Variants in CENPP observed in about 807,000 individuals in gnomAD.
The protein encoded by CENPP is centromere protein P.
Under a neutral mutation model 35.6 loss-of-function variants are expected in CENPP, and 24 were observed. That is an observed-to-expected ratio of 0.67 (90% CI 0.49 to 0.95). CENPP has a LOEUF of 0.95. Among genes scored for constraint, CENPP ranks in the 40% least tolerant of loss-of-function variants. The pLI is 0.00. For missense variants in CENPP, 332 were observed against 345.3 expected (o/e 0.96, Z 0.31); for synonymous variants, 120 against 125.5 (o/e 0.96, Z 0.29).
At chr9:92,555,873 G>T (rs1185336357) in intron 5 of CENPP, among the ~76,000 whole-genome samples, 2 of 151,786 alleles carry the variant, frequency 1.3e-5, no homozygotes, top group East Asian at 3.9e-4. Flanking sequence ...GTATTTTTTT[G>T]TTGTTGTTTC....
At chr9:92,495,900 CT>C in intron 5 of CENPP, 1 of 984,286 alleles carries the variant, frequency 1.0e-6, no homozygotes, top group African/African-American at 1.7e-5. Flanking sequence ...TAAATTCTGC[CT>C]GCTTTTTTTG....
At chr9:92,493,573 A>T (rs929850001) in intron 5 of CENPP, 2 of 152,228 alleles carry the variant, frequency 1.3e-5, no homozygotes, top group Non-Finnish European at 2.9e-5. Flanking sequence ...CTAGACCAGG[A>T]CTTCTTTAGT....
chr9:92,374,089 A>G (rs1204846811), intron 4 of CENPP, among the ~76,000 whole-genome samples: 1 of 145,664 alleles, frequency 6.9e-6, no homozygotes, highest in Non-Finnish European at 1.5e-5. Context: ...CTGGATTGCT[A>G]CTGGCTTGCT....
At chr9:92,477,074 G>A (rs1429950451) in intron 5 of CENPP, among the ~76,000 whole-genome samples, 1 of 152,202 alleles carries the variant, frequency 6.6e-6, no homozygotes, top group Admixed American at 6.5e-5. Context: ...GATTGTGCTG[G>A]CAACACAGGG....
Position 92,499,722 on chromosome 9 carries a change from C to T in CENPP, c.565-111592C>T, listed in dbSNP as rs116127910. 7.6e-4 allele frequency among the ~76,000 whole-genome samples: 116 copies of T among 152,284 alleles called. 1 individual carries two copies. Among genetic ancestry groups the T allele is most frequent in the African/African-American group, 2.7e-3 (112 of 41,558 alleles). ...TCTTCCTCCAGTACCTTTAAAAACA[C>T]GAACTTTTCTGTGTTTTTGTTTTGT... On this transcript the variant is annotated intron_variant, in intron 5 of 7. Coordinates refer to ENST00000375587, the MANE Select transcript of CENPP (RefSeq NM_001012267.3).
intron 5 of CENPP, among the ~76,000 whole-genome samples, chr9:92,578,010 T>C (rs573459293): frequency 0.012 from 1,646 of 141,840 alleles, 25 homozygotes; most frequent in African/African-American, 0.039. Flanking sequence ...CCATGTGTTC[T>C]CATTGTTCAG....
intron 5 of CENPP, chr9:92,505,479 T>G (rs1223952429): frequency 7.1e-7 from 1 of 1,399,210 alleles, no homozygotes; most frequent in Non-Finnish European, 9.8e-7. Flanking sequence ...TTTGTTGTAG[T>G]GTACCATATT....
At chr9:92,338,265 T>C (rs943876450) in intron 3 of CENPP, among the ~76,000 whole-genome samples, 13 of 152,100 alleles carry the variant, frequency 8.5e-5, no homozygotes, top group African/African-American at 2.9e-4. Flanking sequence ...TGAGCTGTGA[T>C]TGTGCCACTG....
chr9:92,425,859 AAG>A (rs1437410131), intron 5 of CENPP, among the ~76,000 whole-genome samples: 2 of 152,166 alleles, frequency 1.3e-5, no homozygotes, highest in Non-Finnish European at 2.9e-5. Context: ...TTCACTAAGG[AAG>A]AGAGAGCAAA....
At chr9:92,560,300 G>A (rs1849819114) in intron 5 of CENPP, among the ~76,000 whole-genome samples, 1 of 152,128 alleles carries the variant, frequency 6.6e-6, no homozygotes, top group African/African-American at 2.4e-5. Context: ...GTCCATTACA[G>A]CAAAAGATCA....
At chr9:92,592,918 G>A (rs1466557439) in intron 5 of CENPP, among the ~76,000 whole-genome samples, 1 of 152,160 alleles carries the variant, frequency 6.6e-6, no homozygotes, top group Admixed American at 6.5e-5. Flanking sequence ...TTTTTATTAA[G>A]GCTCTTTCTA....
intron 4 of CENPP, among the ~76,000 whole-genome samples, chr9:92,363,167 A>G (rs1468546149): frequency 6.6e-6 from 1 of 152,088 alleles, no homozygotes; most frequent in Non-Finnish European, 1.5e-5. Flanking sequence ...GTTCATTGCT[A>G]TTGGAGTGTC....
chr9:92,500,843 C>T (rs942352232), intron 5 of CENPP: 1 of 1,614,030 alleles, frequency 6.2e-7, no homozygotes, highest in East Asian at 2.2e-5. Context: ...AATGATATGC[C>T]CCATAGAAGG....
At chr9:92,457,637 T>C (rs1309275772) in intron 5 of CENPP, 3 of 647,818 alleles carry the variant, frequency 4.6e-6, no homozygotes, top group Non-Finnish European at 7.9e-6. Flanking sequence ...TACTCACTTA[T>C]GCATGTTAAA....
chr9:92,583,221 C>T (rs1850470055), intron 5 of CENPP, among the ~76,000 whole-genome samples: 1 of 152,284 alleles, frequency 6.6e-6, no homozygotes, highest in South Asian at 2.1e-4. Flanking sequence ...TGGTGATATA[C>T]ACTAGTATAG....
At chr9:92,594,261 C>T (rs1348122910) in intron 5 of CENPP, among the ~76,000 whole-genome samples, 1 of 152,140 alleles carries the variant, frequency 6.6e-6, no homozygotes, top group Non-Finnish European at 1.5e-5. Context: ...GTCAGCCCAC[C>T]TCTGGTCTCC....
chr9:92,465,039 G>T (rs1407903883), intron 5 of CENPP: 4 of 1,563,734 alleles, frequency 2.6e-6, no homozygotes. Flanking sequence ...TCTGTCAGGG[G>T]AGAATGACAT....
At chr9:92,439,462 C>G (rs1180999921) in intron 5 of CENPP, among the ~76,000 whole-genome samples, 1 of 152,154 alleles carries the variant, frequency 6.6e-6, no homozygotes, top group Non-Finnish European at 1.5e-5. Context: ...TCCTCCCCAG[C>G]CCCCACTAGC....
intron 5 of CENPP, among the ~76,000 whole-genome samples, chr9:92,526,540 A>G (rs1848420436): frequency 6.6e-6 from 1 of 152,014 alleles, no homozygotes; most frequent in Non-Finnish European, 1.5e-5. Context: ...GCAACAGCAA[A>G]CCAAACCCAA....
Sources: gnomAD v4.1 joint callset for allele counts (sites outside exome capture counted in the v4.1 genomes callset) on GRCh38, gnomAD v4.1.1 for gene constraint, MANE v1.5 for transcripts, NCBI Gene and HGNC (gene_info 2026-07-23, HGNC 2026-07-21) for gene names.